Variants in PCDH15 observed in about 807,000 individuals in gnomAD.
PCDH15 encodes the protein protocadherin-15.
Under a neutral mutation model 178.5 loss-of-function variants are expected in PCDH15, and 129 were observed. That is an observed-to-expected ratio of 0.72 (90% CI 0.63 to 0.84). The LOEUF is 0.84. Among genes scored for constraint, PCDH15 ranks in the 40% least tolerant of loss-of-function variants. PCDH15 has a pLI of 0.00. For synonymous variants in PCDH15, 800 were observed against 732.0 expected, an observed-to-expected ratio of 1.09 and a Z score of -1.50; for missense variants, 2,230 against 2,099.9, an observed-to-expected ratio of 1.06 and a Z score of -1.21.
chr10:54,129,826 A>C (rs12245176), intron 15 of PCDH15, among the ~76,000 whole-genome samples: 2,607 of 152,252 alleles, frequency 0.017, 90 homozygotes, highest in African/African-American at 0.058. Context: ...CTCTCAAAAA[A>C]TCTGCATATA....
intron 2 of PCDH15, among the ~76,000 whole-genome samples, chr10:55,388,908 G>T (rs1418468558): frequency 6.6e-6 from 1 of 151,998 alleles, no homozygotes; most frequent in East Asian, 1.9e-4. Context: ...CCATATTGGG[G>T]GTTTGGGAGA....
At chr10:55,455,786 T>C (rs932894305) in intron 2 of PCDH15, among the ~76,000 whole-genome samples, 1 of 152,110 alleles carries the variant, frequency 6.6e-6, no homozygotes, top group Non-Finnish European at 1.5e-5. Context: ...GATATGTTTA[T>C]AGACAAGGCA....
At chr10:55,363,917 G>A (rs1050065991) in intron 2 of PCDH15, among the ~76,000 whole-genome samples, 2 of 152,086 alleles carry the variant, frequency 1.3e-5, no homozygotes, top group African/African-American at 4.8e-5. Flanking sequence ...GATTATAAGC[G>A]TGAGCCACTG....
intron 18 of PCDH15, among the ~76,000 whole-genome samples, chr10:54,026,721 G>A (rs926891944): frequency 7.9e-5 from 12 of 152,074 alleles, no homozygotes; most frequent in Admixed American, 1.3e-4. Flanking sequence ...CAGAAAAAGC[G>A]TTTGACAAAA....
chr10:54,686,455 T>C (rs1268389826), intron 1 of PCDH15, among the ~76,000 whole-genome samples: 1 of 152,170 alleles, frequency 6.6e-6, no homozygotes, highest in African/African-American at 2.4e-5. Flanking sequence ...TGGTTTCCTG[T>C]GCTTTTGGTG....
rs1435772736 is a variant in PCDH15 at position 54,265,603 on chromosome 10, C to CA, written c.877-28673dup. ...AAAGATTAATCATGCAAATGGAAAA[C>CA]AAAAAAGAGCAGGAGTTTCTATTCT... On this transcript the variant is annotated intron_variant, in intron 8 of 37. Transcript: ENST00000644397. Among the ~76,000 whole-genome samples the CA allele has an allele frequency of 2.0e-5, 3 of 151,468 alleles. No individual in the cohort carries two copies. In the East Asian group the frequency reaches 5.8e-4, roughly 29 times the overall value.
At chr10:54,553,633 G>T (rs552073147) in intron 2 of PCDH15, among the ~76,000 whole-genome samples, 2 of 152,086 alleles carry the variant, frequency 1.3e-5, no homozygotes, top group African/African-American at 2.4e-5. Flanking sequence ...ACTTCAGAAG[G>T]TTCCTCCTCG....
intron 8 of PCDH15, among the ~76,000 whole-genome samples, chr10:54,301,968 A>C (rs1325976238): frequency 1.3e-5 from 2 of 152,132 alleles, no homozygotes; most frequent in East Asian, 3.9e-4. Flanking sequence ...TAGTGACTAC[A>C]CTGTGGTTGC....
chr10:55,070,447 A>T (rs1215637408), intron 2 of PCDH15, among the ~76,000 whole-genome samples: 3 of 152,012 alleles, frequency 2.0e-5, no homozygotes, highest in African/African-American at 7.2e-5. Context: ...TCTTGAATTA[A>T]TTTTTGTATA....
intron 23 of PCDH15, among the ~76,000 whole-genome samples, chr10:53,942,790 A>C (rs1355782656): frequency 6.6e-6 from 1 of 152,200 alleles, no homozygotes. Flanking sequence ...AAGTCCAAAA[A>C]GGAGAGGACA....
chr10:54,933,706 T>C (rs1004636106), intron 2 of PCDH15, among the ~76,000 whole-genome samples: 1 of 152,140 alleles, frequency 6.6e-6, no homozygotes, highest in Non-Finnish European at 1.5e-5. Context: ...TTTAAACCCA[T>C]GCACCTTAGG....
chr10:55,146,088 G>A (rs1591940172), intron 2 of PCDH15, among the ~76,000 whole-genome samples: 1 of 151,846 alleles, frequency 6.6e-6, no homozygotes, highest in South Asian at 2.1e-4. Flanking sequence ...GGAAAAGTCC[G>A]CTTCTTTTTT....
chr10:53,973,489 C>T lies in PCDH15; in HGVS notation c.2869-11597G>A, dbSNP rs565834487. Among the ~76,000 whole-genome samples the T allele has an allele frequency of 2.4e-3, 366 of 152,072 alleles. 1 individual carries two copies. Among genetic ancestry groups the T allele is most frequent in the Non-Finnish European group, 3.6e-3 (247 of 67,986 alleles). On this transcript the variant is annotated intron_variant, in intron 21 of 37. Coordinates refer to ENST00000644397, the MANE Select transcript of PCDH15 (RefSeq NM_001384140.1). ...ATCAATATTTAAAATTGCGTTACTA[C>T]GGCGATATATTTCTTTTCTATATCA...
intron 32 of PCDH15, among the ~76,000 whole-genome samples, chr10:53,826,779 C>G (rs12244224): frequency 6.6e-6 from 1 of 151,936 alleles, no homozygotes; most frequent in Non-Finnish European, 1.5e-5. Flanking sequence ...CGGTAATCAC[C>G]GCAGTCTGAG....
At chr10:54,307,627 C>A (rs2060637755) in intron 8 of PCDH15, among the ~76,000 whole-genome samples, 1 of 151,944 alleles carries the variant, frequency 6.6e-6, no homozygotes, top group African/African-American at 2.4e-5. Context: ...TCCCCAAAGT[C>A]ATAATATACT....
At chr10:55,230,387 T>C (rs1180840638) in intron 1 of PCDH15, among the ~76,000 whole-genome samples, 3 of 152,068 alleles carry the variant, frequency 2.0e-5, no homozygotes, top group Admixed American at 6.6e-5. Context: ...TTCAGAGGCT[T>C]GTTAGTGATT....
intron 2 of PCDH15, among the ~76,000 whole-genome samples, chr10:55,528,594 T>C (rs1020258621): frequency 1.3e-5 from 2 of 152,134 alleles, no homozygotes; most frequent in Admixed American, 6.6e-5. Flanking sequence ...CCATGGTGTA[T>C]ATGTGCCACA....
rs190453955 is a variant in PCDH15, at chr10:55,442,394, A to C, written c.-156+185231T>G. Among the ~76,000 whole-genome samples, 549 of 148,084 alleles carry C rather than the reference A, an allele frequency of 3.7e-3. 8 individuals carry two copies. Among genetic ancestry groups the C allele is most frequent in the African/African-American group, 0.013 (522 of 40,560 alleles). ...TTTTTTTTTTAATTACCAAAAAGGC[A>C]ATGTTTATTTCTGGTTTTCACAAAC... On this transcript the variant is annotated intron_variant, in intron 2 of 5. Transcript: ENST00000613346.
intron 8 of PCDH15, among the ~76,000 whole-genome samples, chr10:54,289,217 C>A (rs1345661524): frequency 6.6e-6 from 1 of 152,130 alleles, no homozygotes; most frequent in African/African-American, 2.4e-5. Context: ...ACTGGTGATA[C>A]CTAGGCAAAC....
Sources: gnomAD v4.1 joint callset for allele counts (sites outside exome capture counted in the v4.1 genomes callset) on GRCh38, gnomAD v4.1.1 for gene constraint, MANE v1.5 for transcripts, NCBI Gene and HGNC (gene_info 2026-07-23, HGNC 2026-07-21) for gene names.